The following CNOT4 variants were observed in gnomAD, a reference collection of about 807,000 sequenced individuals.
The protein encoded by CNOT4 is CCR4-associated factor 4.
Under a neutral mutation model 73.8 loss-of-function variants are expected in CNOT4, and 8 were observed. That is an observed-to-expected ratio of 0.11 (90% CI 0.06 to 0.20). The LOEUF (loss-of-function observed/expected upper bound fraction) is 0.20. CNOT4 is among the 10% of genes least tolerant of loss of function. CNOT4 has a pLI of 1.00. For synonymous variants in CNOT4, 293 were observed against 321.1 expected, an observed-to-expected ratio of 0.91 and a Z score of 0.94; for missense variants, 564 against 883.4, an observed-to-expected ratio of 0.64 and a Z score of 4.58.
At chr7:135,452,407 T>G (rs897948348) in intron 1 of CNOT4, among the ~76,000 whole-genome samples, 2 of 152,094 alleles carry the variant, frequency 1.3e-5, no homozygotes, top group African/African-American at 4.8e-5. Context: ...CTGTTTCTAC[T>G]AAAAATACAA....
intron 1 of CNOT4, among the ~76,000 whole-genome samples, chr7:135,453,840 A>G (rs961748648): frequency 1.4e-5 from 2 of 139,204 alleles, no homozygotes; most frequent in African/African-American, 2.6e-5. Flanking sequence ...ATATATATAT[A>G]TATATATTAT....
At chr7:135,392,741 A>G (rs898244895) in intron 10 of CNOT4, among the ~76,000 whole-genome samples, 2 of 152,144 alleles carry the variant, frequency 1.3e-5, no homozygotes, top group African/African-American at 4.8e-5. Flanking sequence ...ATCAACGGTA[A>G]ATTTCACTAT....
At chr7:135,398,300 G>GA (rs71531848) in intron 7 of CNOT4, 74 bp from the exon 8 acceptor site, 168,383 of 620,850 alleles carry the variant, frequency 0.27, 11,570 homozygotes, top group East Asian at 0.45. Flanking sequence ...CTCCTCAAAA[G>GA]AAAAAAAAAA....
chr7:135,449,319 T>C (rs1184049376), intron 1 of CNOT4, among the ~76,000 whole-genome samples: 1 of 152,212 alleles, frequency 6.6e-6, no homozygotes, highest in African/African-American at 2.4e-5. Context: ...CGGAAGAGTC[T>C]ACAAAGACAT....
intron 1 of CNOT4, among the ~76,000 whole-genome samples, chr7:135,496,238 A>G (rs999636672): frequency 6.6e-6 from 1 of 152,148 alleles, no homozygotes; most frequent in African/African-American, 2.4e-5. Flanking sequence ...AATTACAGGC[A>G]TGCACCACCA....
At chr7:135,485,299 T>C (rs1406152716) in intron 1 of CNOT4, among the ~76,000 whole-genome samples, 5 of 152,194 alleles carry the variant, frequency 3.3e-5, no homozygotes, top group Non-Finnish European at 4.4e-5. Context: ...CTTGATCTCT[T>C]GACCTCATGA....
chr7:135,490,107 C>G (rs1179735650), intron 1 of CNOT4, among the ~76,000 whole-genome samples: 1 of 152,174 alleles, frequency 6.6e-6, no homozygotes. Flanking sequence ...TCAAAGTACT[C>G]AATAAAAATA....
In CNOT4 at chr7:135,415,189, T is replaced by C; in HGVS notation, c.446A>G (p.Tyr149Cys). ...HKVVINNSTS[Y>C]AGSQGPSASA... is the part of the protein sequence containing the mutation. Reference sequence around the variant, plus strand: ...AAAATTAGTTACCTGTGAGCCTGCATATGATGTGCTATTATTGATGACAAC... The same window carrying C: ...AAAATTAGTTACCTGTGAGCCTGCACATGATGTGCTATTATTGATGACAAC... The change falls in exon 4 of 12, where the codon TAT (tyrosine) becomes TGT (cysteine). Residue 149 changes from tyrosine to cysteine, a missense_variant. Coordinates refer to ENST00000541284, the MANE Select transcript of CNOT4 (RefSeq NM_001190850.2). 1 of 1,599,500 alleles carries C rather than the reference T, an allele frequency of 6.3e-7. No homozygotes were observed. The highest frequency in any genetic ancestry group is 8.6e-7 in the Non-Finnish European group (1 of 1,167,054).
At chr7:135,480,971 C>T (rs368775464) in intron 1 of CNOT4, among the ~76,000 whole-genome samples, 2 of 141,594 alleles carry the variant, frequency 1.4e-5, no homozygotes, top group East Asian at 2.1e-4. Flanking sequence ...AAGACTTAAA[C>T]GTAAGACCAA....
chr7:135,492,636 T>C (rs1057296933), intron 1 of CNOT4, among the ~76,000 whole-genome samples: 1 of 152,070 alleles, frequency 6.6e-6, no homozygotes, highest in African/African-American at 2.4e-5. Flanking sequence ...ACAAGGTATA[T>C]GACATGATCA....
At chr7:135,471,424 AATT>A (rs1479237760) in intron 1 of CNOT4, among the ~76,000 whole-genome samples, 1 of 152,208 alleles carries the variant, frequency 6.6e-6, no homozygotes, top group Non-Finnish European at 1.5e-5. Context: ...AATATTTTGC[AATT>A]ATTATGAGTT....
chr7:135,462,689 A>G (rs1800949446), intron 1 of CNOT4, among the ~76,000 whole-genome samples: 1 of 152,248 alleles, frequency 6.6e-6, no homozygotes, highest in Non-Finnish European at 1.5e-5. Context: ...GCATTAGAAA[A>G]TAAGGTGTGT....
chr7:135,411,189 T>C (rs1320786226), intron 6 of CNOT4, among the ~76,000 whole-genome samples: 2 of 152,088 alleles, frequency 1.3e-5, no homozygotes, highest in Non-Finnish European at 2.9e-5. Flanking sequence ...CTTTCTCTTT[T>C]CTTCTATGGT....
At chr7:135,443,226 ATGCCTGT>A (rs1799599591) in intron 1 of CNOT4, among the ~76,000 whole-genome samples, 1 of 150,972 alleles carries the variant, frequency 6.6e-6, no homozygotes, top group East Asian at 1.9e-4. Context: ...TTGGTGGCAC[ATGCCTGT>A]AGTCCCAGCT....
intron 8 of CNOT4, among the ~76,000 whole-genome samples, chr7:135,397,127 T>A (rs1796737129): frequency 1.3e-5 from 2 of 152,086 alleles, no homozygotes; most frequent in Non-Finnish European, 2.9e-5. Context: ...GTATATGCTT[T>A]TCAAGCAAAA....
At chr7:135,453,847 T>TATATATATATATATATATATAA (rs1554438701) in intron 1 of CNOT4, among the ~76,000 whole-genome samples, 2 of 119,378 alleles carry the variant, frequency 1.7e-5, no homozygotes, top group Non-Finnish European at 3.6e-5. Context: ...TATATATATA[T>TATATATATATATATATATATAA]TATATATATA....
At chr7:135,395,938 C>CACAAT in intron 8 of CNOT4, 55 bp from the exon 9 acceptor site, 1 of 1,296,670 alleles carries the variant, frequency 7.7e-7, no homozygotes, top group South Asian at 1.3e-5. Context: ...TTTAATAAGC[C>CACAAT]ACAATTAAAA....
At chr7:135,421,517 G>C (rs1357358675) in intron 3 of CNOT4, among the ~76,000 whole-genome samples, 1 of 152,098 alleles carries the variant, frequency 6.6e-6, no homozygotes, top group Admixed American at 6.5e-5. Context: ...GTATGAGTTC[G>C]ACATTACTCT....
chr7:135,509,741 GGAA>G (rs1209195059), intron 1 of CNOT4, 145 bp downstream of exon 1: 2 of 308,400 alleles, frequency 6.5e-6, no homozygotes, highest in African/African-American at 2.2e-5. Flanking sequence ...AGGAGGAGGA[GGAA>G]GAAGACCAAG....
Sources: allele counts gnomAD v4.1 joint callset (sites outside exome capture counted in the v4.1 genomes callset), GRCh38; gene constraint gnomAD v4.1.1; transcripts MANE v1.5; gene names NCBI Gene and HGNC (gene_info 2026-07-23, HGNC 2026-07-21).